The following SERINC2 variants were observed in gnomAD, a reference collection of about 807,000 sequenced individuals.
SERINC2 encodes the protein tumor differentially expressed protein 2.
In SERINC2, 56 loss-of-function variants were observed where a neutral mutation model predicts 54.2. That is an observed-to-expected ratio of 1.03 (90% confidence interval 0.83 to 1.29). SERINC2 has a LOEUF of 1.29. SERINC2 is among the 50% of genes most tolerant of loss of function. The pLI is 0.00. For synonymous variants in SERINC2, 272 were observed against 253.1 expected (o/e 1.07, Z -0.71); for missense variants, 614 against 607.4 (o/e 1.01, Z -0.12).
chr1:31,434,024 G>C (rs1247743263), intron 9 of SERINC2, 40 bp from the exon 10 acceptor site: 1 of 1,606,102 alleles, frequency 6.2e-7, no homozygotes, highest in Non-Finnish European at 8.5e-7. Context: ...GAAGTCACCA[G>C]ACTGGGCACC....
chr1:31,414,274 C>G (rs1156682673), intron 1 of SERINC2: 1 of 1,319,948 alleles, frequency 7.6e-7, no homozygotes, highest in African/African-American at 1.5e-5. Context: ...CCCAGCCCCC[C>G]TCTCCTTTCC....
Position 31,424,871 on chromosome 1 carries a change from T to A in SERINC2, c.390T>A (p.Asn130Lys). ...SSRDPRAAIQ[N>K]GFWFFKFLIL... ...GGGACCCCCGGGCTGCCATCCAGAATGGGTGAGAGAGGGGTCCCTGCCTGC... is the reference window on the plus strand; with the variant it reads ...GGGACCCCCGGGCTGCCATCCAGAAAGGGTGAGAGAGGGGTCCCTGCCTGC... The change falls in exon 3 of 10, where the codon AAT becomes AAA. Residue 130 changes from asparagine (N) to lysine (K), a missense_variant and splice_region_variant. Coordinates refer to ENST00000373709, the MANE Select transcript of SERINC2 (RefSeq NM_178865.5). The A allele has an allele frequency of 6.2e-7, 1 of 1,610,146 alleles. No homozygotes were observed. Among genetic ancestry groups the A allele is most frequent in the Non-Finnish European group, 8.5e-7 (1 of 1,178,842 alleles).
upstream of SERINC2, chr1:31,413,016 G>T: frequency 2.5e-6 from 1 of 397,890 alleles, no homozygotes; most frequent in South Asian, 1.0e-4. The surrounding 1 kb of genome is among the most constrained non-coding windows in gnomAD (Gnocchi z 5.0). Context: ...GCCACGATTG[G>T]GTCAGGTTGC....
At position 31,413,315 on chromosome 1, in the gene SERINC2, A is replaced by C. The variant is rs1452519366; in HGVS notation, c.39+11A>C. 73 of 1,257,600 alleles carry C rather than the reference A, an allele frequency of 5.8e-5. No individual in the cohort carries two copies. The African/African-American group carries it at 1.1e-3, about 19-fold the overall frequency. 77.9% of individuals were successfully genotyped at this position (1,257,600 alleles called of 1,614,324 possible). On this transcript the variant is annotated intron_variant, in intron 1 of 9. Coordinates refer to ENST00000373709, the MANE Select transcript of SERINC2 (RefSeq NM_178865.5). This position sits in a 1 kb window ranked among gnomAD's most constrained non-coding sequence, Gnocchi z 5.0. ...TCCCTGCTCAGCTGCGTGAGTCCCG[A>C]CCCCGGCGCCCGCCCGCGCGCGCCG...
rs537233945 is a variant in SERINC2 at position 31,413,795 on chromosome 1, G to T, written c.39+491G>T. ...CCAGTCCGCCTGTTCCTGTCGCTCGGGCTCCGCCTGTCCGTTCGTATTTGT... is the reference window on the plus strand; with the variant it reads ...CCAGTCCGCCTGTTCCTGTCGCTCGTGCTCCGCCTGTCCGTTCGTATTTGT... On this transcript the variant is annotated intron_variant, in intron 1 of 9. Coordinates refer to ENST00000373709, the MANE Select transcript of SERINC2 (RefSeq NM_178865.5). The surrounding 1 kb of genome is among the most constrained non-coding windows in gnomAD (Gnocchi z 5.0). 6 of 1,386,016 alleles carry T rather than the reference G, an allele frequency of 4.3e-6. No individual in the cohort carries two copies. The highest frequency in any genetic ancestry group is 5.6e-6 in the Non-Finnish European group (6 of 1,076,752). 85.9% of individuals were successfully genotyped at this position (1,386,016 alleles called of 1,614,324 possible).
At position 31,423,969 on chromosome 1, in the gene SERINC2, G is replaced by A. The variant is rs182420465; in HGVS notation, c.201+115G>A. On this transcript the variant is annotated intron_variant, in intron 2 of 9. Coordinates refer to ENST00000373709, the MANE Select transcript of SERINC2 (RefSeq NM_178865.5). ...CCAGAAGAGGAGGCAGGGTGTTTGG[G>A]TGCACTGATGATCTGAGGTTGGAAA... The A allele has an allele frequency of 7.4e-5, 71 of 956,596 alleles. No homozygotes were observed. The African/African-American group carries it at 9.6e-4, about 13-fold the overall frequency. The allele number at this position is 956,596 out of a possible 1,614,324, so 59.3% of individuals were successfully genotyped here.
At chr1:31,410,368 T>G (rs1553131327), upstream of SERINC2, 1 of 1,546,890 alleles carries the variant, frequency 6.5e-7, no homozygotes, top group Non-Finnish European at 8.7e-7. Context: ...GTAAAAAAAC[T>G]TATCTTTATT....
At chr1:31,421,652 C>G (rs1307402449) in intron 1 of SERINC2, among the ~76,000 whole-genome samples, 1 of 152,180 alleles carries the variant, frequency 6.6e-6, no homozygotes, top group Non-Finnish European at 1.5e-5. Flanking sequence ...AAGCAGAGGT[C>G]TCTGAGGAGC....
chr1:31,414,130 G>A lies in SERINC2; in HGVS notation c.39+826G>A, dbSNP rs900048178. The A allele has an allele frequency of 3.5e-6, 5 of 1,427,716 alleles. No individual in the cohort carries two copies. In the African/African-American group the frequency reaches 7.3e-5, roughly 21 times the overall value. The allele number at this position is 1,427,716 out of a possible 1,614,324, so 88.4% of individuals were successfully genotyped here. A position where few individuals can be genotyped will look rare whatever the true frequency, so the allele number is the denominator to read the frequency against. On this transcript the variant is annotated intron_variant, in intron 1 of 9. Transcript: ENST00000373709. ...GGAGAGCAGGAATCGAGGGAGGTTC[G>A]GGTGTGCGCGGGGAGTGCCCGGTCG...
chr1:31,412,190 A>G (rs1640662140), upstream of SERINC2, among the ~76,000 whole-genome samples: 1 of 151,980 alleles, frequency 6.6e-6, no homozygotes, highest in African/African-American at 2.4e-5. Context: ...AGGCACAGAG[A>G]CTTCTTTCCC....
intron 6 of SERINC2, 126 bp downstream of exon 6, chr1:31,426,949 AGGTCAGCCTCCCCAGGTTATAGTCAG>A: frequency 1.2e-6 from 1 of 826,230 alleles, no homozygotes; most frequent in Non-Finnish European, 1.9e-6. Flanking sequence ...GTGGGCTCCC[AGGTCAGCCTCCCCAGGTTATAGTCAG>A]GCTCTCACGG....
rs1348273585 is a variant in SERINC2, at chr1:31,413,231, C to G, written c.-35C>G. On this transcript the variant is annotated 5_prime_UTR_variant, in exon 1 of 10. Transcript: ENST00000373709. The surrounding 1 kb of genome is among the most constrained non-coding windows in gnomAD (Gnocchi z 5.0). ...GGATCCCGAGGTCCGCGCCCCGCGC[C>G]CGGCGCCGGGCGCCCGAAGCCGGGA... The G allele has an allele frequency of 7.5e-5, 85 of 1,137,112 alleles. No homozygotes were observed. The highest frequency in any genetic ancestry group is 8.8e-5 in the Non-Finnish European group (82 of 930,256). 70.4% of individuals were successfully genotyped at this position (1,137,112 alleles called of 1,614,324 possible). A position where few individuals can be genotyped will look rare whatever the true frequency, so the allele number is the denominator to read the frequency against.
chr1:31,428,999 CTG>C lies in SERINC2; in HGVS notation c.803_804del (p.Leu268ProfsTer23), dbSNP rs1419099384. On this transcript the variant is annotated frameshift_variant, in exon 7 of 10. Transcript: ENST00000373709. LOFTEE classifies it high-confidence loss of function. Reference protein sequence around the residue: ...KVQDAQPNSGLLQASVITLYT... With the variant: ...KVQDAQPNSGXLQASVITLYT... ...CCAGGACGCCCAGCCCAACTCGGGT[CTG>C]CTGCAGGCCTCGGTCATCACCCTCT... The C allele has an allele frequency of 6.2e-7, 1 of 1,613,802 alleles. No homozygotes were observed. Among genetic ancestry groups the C allele is most frequent in the African/African-American group, 1.3e-5 (1 of 74,836 alleles).
upstream of SERINC2, among the ~76,000 whole-genome samples, chr1:31,412,136 C>T (rs1464740695): frequency 6.6e-5 from 10 of 152,088 alleles, no homozygotes; most frequent in Non-Finnish European, 1.5e-4. Context: ...GTGAATCAGC[C>T]AAGGATGCAG....
At position 31,433,449 on chromosome 1, in the gene SERINC2, C is replaced by T. The variant is rs72660860; in HGVS notation, c.1232+264C>T. Among the ~76,000 whole-genome samples the T allele has an allele frequency of 6.3e-3, 965 of 152,164 alleles. No individual in the cohort carries two copies. The highest frequency in any genetic ancestry group is 0.011 in the Non-Finnish European group (734 of 68,004). ...TGGGGCTGGACCTGTACAGGGCAGG[C>T]GGGGTTTACAAATCAGGGGTCATGG... On this transcript the variant is annotated intron_variant, in intron 9 of 9. Coordinates refer to ENST00000373709, the MANE Select transcript of SERINC2 (RefSeq NM_178865.5).
At chr1:31,422,313 A>G (rs543945307) in intron 1 of SERINC2, among the ~76,000 whole-genome samples, 1 of 143,510 alleles carries the variant, frequency 7.0e-6, no homozygotes, top group East Asian at 2.0e-4. Context: ...AAAAAAAAAC[A>G]AAAAAAGAAG....
chr1:31,431,031 T>G (rs1265350355), intron 8 of SERINC2, among the ~76,000 whole-genome samples: 8 of 152,322 alleles, frequency 5.3e-5, no homozygotes, highest in East Asian at 1.9e-4. Context: ...AACATCTGTC[T>G]TCTTTGTCAC....
chr1:31,431,662 G>A (rs1034766520), intron 8 of SERINC2, among the ~76,000 whole-genome samples: 1 of 151,936 alleles, frequency 6.6e-6, no homozygotes, highest in African/African-American at 2.4e-5. Flanking sequence ...TTACAGCACA[G>A]GCAGCAAAGA....
chr1:31,415,101 C>T (rs2148511214), intron 1 of SERINC2, among the ~76,000 whole-genome samples: 1 of 152,284 alleles, frequency 6.6e-6, no homozygotes, highest in Admixed American at 6.5e-5. Flanking sequence ...AAGACTGCCA[C>T]CCGCCCGGAG....
Sources: allele counts gnomAD v4.1 joint callset (sites outside exome capture counted in the v4.1 genomes callset), GRCh38; gene constraint gnomAD v4.1.1; non-coding constraint Gnocchi (gnomAD v3.1); transcripts MANE v1.5; gene names NCBI Gene and HGNC (gene_info 2026-07-23, HGNC 2026-07-21).